The following AHI1 variants were observed in gnomAD, a reference collection of about 807,000 sequenced individuals.
AHI1 encodes jouberin.
A neutral mutation model predicts 149.3 loss-of-function variants in AHI1; 123 were observed. The observed-to-expected ratio is 0.82, with a 90% confidence interval of 0.71 to 0.96. AHI1 has a LOEUF of 0.96. Ranked by LOEUF, AHI1 falls within the 40% of genes least tolerant of loss-of-function variation. The pLI is 0.00. For missense variants in AHI1, 1,439 were observed against 1,422.7 expected, an observed-to-expected ratio of 1.01 and a Z score of -0.18; for synonymous variants, 475 against 459.8, an observed-to-expected ratio of 1.03 and a Z score of -0.42.
At chr6:135,392,480 C>T (rs1453816841) in intron 23 of AHI1, among the ~76,000 whole-genome samples, 3 of 152,138 alleles carry the variant, frequency 2.0e-5, no homozygotes, top group African/African-American at 4.8e-5. Flanking sequence ...CTAGCATGAG[C>T]GCTAATGGGC....
chr6:135,416,594 T>C (rs1782418979), intron 20 of AHI1, among the ~76,000 whole-genome samples: 1 of 152,026 alleles, frequency 6.6e-6, no homozygotes, highest in Non-Finnish European at 1.5e-5. Context: ...GGAAAATTGC[T>C]CATATTATTC....
intron 20 of AHI1, among the ~76,000 whole-genome samples, chr6:135,417,336 A>G (rs1193819961): frequency 6.6e-6 from 1 of 152,074 alleles, no homozygotes. Flanking sequence ...GTGAGCGAAC[A>G]TGCATAGAAA....
intron 23 of AHI1, 178 bp downstream of exon 23, chr6:135,394,597 CA>C: frequency 1.2e-6 from 1 of 854,948 alleles, no homozygotes; most frequent in Non-Finnish European, 1.8e-6. Flanking sequence ...TTACCAATTC[CA>C]AACTTACTTT....
chr6:135,343,240 A>T (rs1434230587), intron 24 of AHI1, among the ~76,000 whole-genome samples: 1 of 151,926 alleles, frequency 6.6e-6, no homozygotes, highest in African/African-American at 2.4e-5. Flanking sequence ...AACAAAAAAA[A>T]TGCTGAAAAC....
chr6:135,397,837 T>C (rs929058555), intron 22 of AHI1, among the ~76,000 whole-genome samples: 2 of 152,104 alleles, frequency 1.3e-5, no homozygotes, highest in African/African-American at 4.8e-5. Context: ...AAGAATTGTT[T>C]ATGAAGTTTC....
intron 27 of AHI1, among the ~76,000 whole-genome samples, chr6:135,293,952 A>G (rs1401389818): frequency 6.6e-6 from 1 of 152,222 alleles, no homozygotes; most frequent in Non-Finnish European, 1.5e-5. Flanking sequence ...TGGAGGACTA[A>G]TATTACCTGA....
chr6:135,299,171 T>C (rs1783541017), intron 27 of AHI1, among the ~76,000 whole-genome samples: 1 of 152,174 alleles, frequency 6.6e-6, no homozygotes, highest in Non-Finnish European at 1.5e-5. Flanking sequence ...CCTGGAGAGA[T>C]TATAGAAAGA....
chr6:135,303,677 G>T (rs1784180867), intron 26 of AHI1, among the ~76,000 whole-genome samples: 1 of 152,132 alleles, frequency 6.6e-6, no homozygotes, highest in South Asian at 2.1e-4. Context: ...TATAGAGGTA[G>T]TCTGAAGGTT....
At chr6:135,428,565 T>A in intron 19 of AHI1, 64 bp downstream of exon 19, 1 of 1,449,452 alleles carries the variant, frequency 6.9e-7, no homozygotes. Flanking sequence ...AATGGTAGAA[T>A]TTTCACACTT....
At chr6:135,304,987 C>T (rs1784374410) in intron 26 of AHI1, 1 of 152,058 alleles carries the variant, frequency 6.6e-6, no homozygotes, top group African/African-American at 2.4e-5. Flanking sequence ...ATGGAGCCAA[C>T]TAAGATTTAT....
chr6:135,334,312 CA>C (rs1168393746), intron 24 of AHI1, among the ~76,000 whole-genome samples: 1 of 152,142 alleles, frequency 6.6e-6, no homozygotes, highest in Non-Finnish European at 1.5e-5. Context: ...AAAGCCCTTA[CA>C]AAAGAAACCC....
intron 5 of AHI1, among the ~76,000 whole-genome samples, chr6:135,478,180 T>C (rs983492541): frequency 6.6e-6 from 1 of 152,152 alleles, no homozygotes; most frequent in Non-Finnish European, 1.5e-5. Flanking sequence ...GCTATAAAGA[T>C]ACCTGAAAAT....
intron 23 of AHI1, among the ~76,000 whole-genome samples, chr6:135,382,954 T>TATATATATACAC (rs770394314): frequency 1.0e-5 from 1 of 100,050 alleles, no homozygotes; most frequent in African/African-American, 4.3e-5. Flanking sequence ...TATATATATA[T>TATATATATACAC]ACATATAAAA....
At chr6:135,323,028 G>T in intron 25 of AHI1, 134 bp downstream of exon 25, 1 of 923,700 alleles carries the variant, frequency 1.1e-6, no homozygotes, top group Non-Finnish European at 1.5e-6. Context: ...TACATCATGA[G>T]AATGAAAAAC....
intron 24 of AHI1, among the ~76,000 whole-genome samples, chr6:135,330,343 G>A (rs1161741027): frequency 1.3e-5 from 2 of 152,200 alleles, no homozygotes; most frequent in Non-Finnish European, 2.9e-5. Context: ...TGGTCAGTCA[G>A]CTGCCATCAA....
chr6:135,411,783 G>A (rs1480575470), intron 20 of AHI1, among the ~76,000 whole-genome samples: 1 of 152,104 alleles, frequency 6.6e-6, no homozygotes. Context: ...TGTAAACTGG[G>A]ATGGGAGACT....
At chr6:135,397,451 A>C (rs1247265783) in intron 22 of AHI1, among the ~76,000 whole-genome samples, 1 of 152,052 alleles carries the variant, frequency 6.6e-6, no homozygotes, top group Non-Finnish European at 1.5e-5. Flanking sequence ...CAGTCTGCCA[A>C]AGTCAGTTTA....
At chr6:135,298,327 C>CA (rs59847805) in intron 27 of AHI1, among the ~76,000 whole-genome samples, 4,306 of 105,638 alleles carry the variant, frequency 0.041, 76 homozygotes, top group African/African-American at 0.062. Flanking sequence ...TGACATTTCT[C>CA]AAAAAAAAAA....
intron 24 of AHI1, among the ~76,000 whole-genome samples, chr6:135,329,041 T>C (rs1397259458): frequency 6.6e-6 from 1 of 152,152 alleles, no homozygotes; most frequent in African/African-American, 2.4e-5. Context: ...AGAAGAAAAG[T>C]TGGAAGCTAG....
Sources: allele counts gnomAD v4.1 joint callset (sites outside exome capture counted in the v4.1 genomes callset), GRCh38; gene constraint gnomAD v4.1.1; transcripts MANE v1.5; gene names NCBI Gene and HGNC (gene_info 2026-07-23, HGNC 2026-07-21).